TRAIP: variants seen among roughly 807,000 people sequenced by gnomAD.
TRAIP encodes E3 ubiquitin-protein ligase TRAIP.
TRAIP carries 37 observed loss-of-function variants against 65.0 expected under a neutral mutation model. The observed-to-expected ratio is 0.57, with a 90% CI of 0.44 to 0.75. The LOEUF is 0.75. TRAIP is among the 30% of genes least tolerant of loss of function. The pLI, the probability that TRAIP is intolerant of heterozygous loss-of-function variation, is 0.00. For synonymous variants in TRAIP, 187 were observed against 219.1 expected, an observed-to-expected ratio of 0.85 and a Z score of 1.29; for missense variants, 481 against 579.4, an observed-to-expected ratio of 0.83 and a Z score of 1.74.
intron 1 of TRAIP, among the ~76,000 whole-genome samples, chr3:49,852,023 G>C (rs2081936149): frequency 1.3e-5 from 2 of 151,070 alleles, no homozygotes; most frequent in Admixed American, 1.3e-4. Context: ...AAGTAAACAG[G>C]TACACAAGAA....
chr3:49,855,257 C>T (rs1265194621), intron 1 of TRAIP, among the ~76,000 whole-genome samples: 2 of 152,112 alleles, frequency 1.3e-5, no homozygotes, highest in Non-Finnish European at 2.9e-5. Flanking sequence ...CGAGACCAGC[C>T]TGGCCAACAT....
chr3:49,847,206 A>C (rs2081890591), intron 3 of TRAIP, among the ~76,000 whole-genome samples: 1 of 149,734 alleles, frequency 6.7e-6, no homozygotes, highest in Non-Finnish European at 1.5e-5. Context: ...TAAATAAATA[A>C]ATAAATAAAT....
intron 11 of TRAIP, among the ~76,000 whole-genome samples, 166 bp from the exon 12 acceptor site, chr3:49,830,234 A>T (rs1186345453): frequency 1.3e-5 from 2 of 152,204 alleles, no homozygotes; most frequent in East Asian, 3.9e-4. Context: ...CAGGTCTGTT[A>T]ACAGCTGGAC....
At chr3:49,843,583 A>G in intron 5 of TRAIP, 1 of 547,792 alleles carries the variant, frequency 1.8e-6, no homozygotes. Flanking sequence ...ACTACCTAGT[A>G]CAAAACCCAC....
intron 1 of TRAIP, 74 bp downstream of exon 1, chr3:49,856,282 C>T (rs928091906): frequency 8.9e-6 from 12 of 1,350,684 alleles, no homozygotes; most frequent in Non-Finnish European, 1.3e-5. Flanking sequence ...GTTGGACCGC[C>T]TGGAGGCCCA....
chr3:49,841,079 T>C lies in TRAIP; in HGVS notation c.618-7A>G, dbSNP rs188947220. ...TTTTAGATTCTCGTACTCTCTGCAATGTGGCCATGGAAAGAGATGCCAGAA... is the reference window on the plus strand; with the variant it reads ...TTTTAGATTCTCGTACTCTCTGCAACGTGGCCATGGAAAGAGATGCCAGAA... On this transcript the variant is annotated splice_region_variant and splice_polypyrimidine_tract_variant and intron_variant, in intron 7 of 14. Coordinates refer to ENST00000331456, the MANE Select transcript of TRAIP (RefSeq NM_005879.3). The C allele has an allele frequency of 3.1e-6, 5 of 1,613,820 alleles. No homozygotes were observed. The highest frequency in any genetic ancestry group is 2.2e-5 in the East Asian group (1 of 44,886).
chr3:49,829,643 A>ACCC lies in TRAIP; in HGVS notation c.1209_1210insGGG (p.Arg403_Ser404insGly). 1 of 1,614,136 alleles carries ACCC rather than the reference A, an allele frequency of 6.2e-7. No individual in the cohort carries two copies. The highest frequency in any genetic ancestry group is 1.1e-5 in the South Asian group (1 of 91,086). ...ACATCTTTGCTGCAAGAGGACTCTG[A>ACCC]CCTGGGCCTCTTGGGCTGTTTCTGG... On this transcript the variant is annotated inframe_insertion, in exon 13 of 15. Coordinates refer to ENST00000331456, the MANE Select transcript of TRAIP (RefSeq NM_005879.3).
At chr3:49,829,327 G>A (rs367867267) in intron 14 of TRAIP, 102 bp from the exon 15 acceptor site, 52 of 1,610,772 alleles carry the variant, frequency 3.2e-5, no homozygotes, top group African/African-American at 4.0e-5. Flanking sequence ...GGGGGTGGGC[G>A]GCGCTGATAC....
chr3:49,832,759 C>T (rs1020041524), intron 10 of TRAIP, among the ~76,000 whole-genome samples: 2 of 144,736 alleles, frequency 1.4e-5, no homozygotes, highest in Admixed American at 7.2e-5. Flanking sequence ...AAACTACAGC[C>T]GACAGGATTC....
In TRAIP at chr3:49,850,409, G is replaced by T. The variant is rs950449855; in HGVS notation, c.99-2209C>A. Reference sequence around the variant, plus strand: ...AGCTACTTGGGAGACTAAGGCAGAAGAATCGTTTGAACCTGGGAGGTGGAG... The same window carrying T: ...AGCTACTTGGGAGACTAAGGCAGAATAATCGTTTGAACCTGGGAGGTGGAG... On this transcript the variant is annotated intron_variant, in intron 1 of 14. Transcript: ENST00000331456. Among the ~76,000 whole-genome samples, 4 of 151,578 alleles carry T rather than the reference G, an allele frequency of 2.6e-5. No homozygotes were observed. In the East Asian group the frequency reaches 7.9e-4, roughly 30 times the overall value.
chr3:49,845,133 C>G (rs1279633632), intron 3 of TRAIP, among the ~76,000 whole-genome samples: 1 of 152,178 alleles, frequency 6.6e-6, no homozygotes, highest in Non-Finnish European at 1.5e-5. Context: ...AGCTTTGTAC[C>G]CCTGGATGAA....
intron 1 of TRAIP, among the ~76,000 whole-genome samples, chr3:49,854,449 G>C (rs147261801): frequency 9.5e-4 from 145 of 152,270 alleles, no homozygotes; most frequent in African/African-American, 3.4e-3. Flanking sequence ...AATGAGAAAG[G>C]TGTTGATTAA....
At chr3:49,847,412 AAAGAGAAAAGAG>A (rs1282164806) in intron 3 of TRAIP, 101 bp downstream of exon 3, 29 of 741,246 alleles carry the variant, frequency 3.9e-5, no homozygotes, top group African/African-American at 3.1e-4. Context: ...AAAGAAAAGA[AAAGAGAAAAGAG>A]AAGAGAAGAG....
At chr3:49,834,796 G>C (rs2081766509) in intron 10 of TRAIP, among the ~76,000 whole-genome samples, 2 of 152,112 alleles carry the variant, frequency 1.3e-5, no homozygotes, top group African/African-American at 4.8e-5. Flanking sequence ...AAAGTCCATG[G>C]TGCACAAATA....
At chr3:49,829,401 G>A (rs1310684729) in intron 14 of TRAIP, 57 bp downstream of exon 14, 2 of 1,613,280 alleles carry the variant, frequency 1.2e-6, no homozygotes, top group Non-Finnish European at 1.7e-6. Context: ...GGGTATAGGT[G>A]AGGCATAGTA....
chr3:49,844,293 C>T (rs2081865129), intron 4 of TRAIP, among the ~76,000 whole-genome samples: 1 of 152,172 alleles, frequency 6.6e-6, no homozygotes, highest in South Asian at 2.1e-4. Flanking sequence ...AACCCCCTCC[C>T]ATCTTGGTTC....
rs780771928 is a variant in TRAIP at position 49,829,116 on chromosome 3, A to G, written c.1397T>C (p.Phe466Ser). 6.2e-7 allele frequency: 1 copy of G among 1,614,160 alleles called. No individual in the cohort carries two copies. The highest frequency in any genetic ancestry group is 8.5e-7 in the Non-Finnish European group (1 of 1,180,014). ...PSLFQAKLDT[F>S]LWS is the part of the protein sequence containing the mutation. ...GACTCACTGTTCTCACGACCACAGG[A>G]AGGTGTCCAGCTTGGCCTGGAAGAG... is the stretch of plus-strand genomic sequence containing the variant. The change falls in exon 15 of 15, where the codon TTC (phenylalanine) becomes TCC (serine). Residue 466 changes from phenylalanine to serine, a missense_variant. Transcript: ENST00000331456.
Position 49,856,548 on chromosome 3 carries a change from G to C in TRAIP, c.-95C>G, listed in dbSNP as rs1252847903. 3 of 1,124,884 alleles carry C rather than the reference G, an allele frequency of 2.7e-6. No individual in the cohort carries two copies. Among genetic ancestry groups the C allele is most frequent in the Non-Finnish European group, 3.9e-6 (3 of 773,520 alleles). The allele number at this position is 1,124,884 out of a possible 1,614,324, so 69.7% of individuals were successfully genotyped here. On this transcript the variant is annotated 5_prime_UTR_variant, in exon 1 of 15. Coordinates refer to ENST00000331456, the MANE Select transcript of TRAIP (RefSeq NM_005879.3). ...CGCGCCTCCGCTTGCTTCAAATTTG[G>C]CTCCGCAGCACGACTTCCTGGAGCG... is the stretch of plus-strand genomic sequence containing the variant.
intron 1 of TRAIP, among the ~76,000 whole-genome samples, chr3:49,855,767 G>A (rs182957896): frequency 8.5e-5 from 13 of 152,272 alleles, no homozygotes; most frequent in Admixed American, 4.6e-4. Context: ...GGTCCAAACC[G>A]GCCTGTCCAC....
Sources: allele counts gnomAD v4.1 joint callset (sites outside exome capture counted in the v4.1 genomes callset), GRCh38; gene constraint gnomAD v4.1.1; transcripts MANE v1.5; gene names NCBI Gene and HGNC (gene_info 2026-07-23, HGNC 2026-07-21).